HDGFL3: variants seen among roughly 807,000 people sequenced by gnomAD.
HDGFL3 encodes HDGF like 3.
A neutral mutation model predicts 27.6 loss-of-function variants in HDGFL3; 6 were observed. That is an observed-to-expected ratio of 0.22 (90% CI 0.12 to 0.43). HDGFL3 has a LOEUF of 0.43. HDGFL3 is among the 20% of genes least tolerant of loss of function. The pLI is 1.00. For synonymous variants in HDGFL3, 88 were observed against 88.9 expected, an observed-to-expected ratio of 0.99 and a Z score of 0.05; for missense variants, 207 against 250.1, an observed-to-expected ratio of 0.83 and a Z score of 1.16.
intron 1 of HDGFL3, among the ~76,000 whole-genome samples, chr15:83,200,126 G>C (rs569779547): frequency 6.7e-6 from 1 of 150,196 alleles, no homozygotes; most frequent in African/African-American, 2.5e-5. Context: ...GGCAGATCAC[G>C]AGGTCAGGAG....
At chr15:83,182,203 TTAACAAACTAA>T (rs1418649663) in intron 1 of HDGFL3, among the ~76,000 whole-genome samples, 1 of 152,204 alleles carries the variant, frequency 6.6e-6, no homozygotes, top group Non-Finnish European at 1.5e-5. Flanking sequence ...TGGATATCTT[TTAACAAACTAA>T]AGTGTTATAA....
chr15:83,144,757 T>A (rs2036856651), intron 5 of HDGFL3: 2 of 342,524 alleles, frequency 5.8e-6, no homozygotes, highest in Admixed American at 8.0e-5. Context: ...TCAGTTCCTT[T>A]TGCAAGAGAC....
At chr15:83,117,971 G>A (rs552353186) in intron 3 of HDGFL3, among the ~76,000 whole-genome samples, 1 of 152,268 alleles carries the variant, frequency 6.6e-6, no homozygotes, top group Admixed American at 6.5e-5. Flanking sequence ...TAGCAATAAA[G>A]TTGATAGATT....
At chr15:83,118,801 G>A (rs2034940854) in intron 3 of HDGFL3, among the ~76,000 whole-genome samples, 2 of 152,148 alleles carry the variant, frequency 1.3e-5, no homozygotes, top group Admixed American at 6.5e-5. Flanking sequence ...AAAATGCACG[G>A]AAAATTGATG....
chr15:83,142,361 C>T (rs1481272462), intron 5 of HDGFL3, among the ~76,000 whole-genome samples: 3 of 151,920 alleles, frequency 2.0e-5, no homozygotes, highest in Non-Finnish European at 4.4e-5. Flanking sequence ...AGAGTGAGAG[C>T]ATGTCTTTTG....
downstream of HDGFL3, chr15:83,124,678 C>A: frequency 6.2e-7 from 1 of 1,613,744 alleles, no homozygotes; most frequent in Non-Finnish European, 8.5e-7. Context: ...TTAGGTTATT[C>A]AAGAAGCCCA....
intron 1 of HDGFL3, among the ~76,000 whole-genome samples, chr15:83,177,875 C>T (rs1310726602): frequency 2.0e-5 from 3 of 152,072 alleles, no homozygotes; most frequent in Non-Finnish European, 2.9e-5. Context: ...AAACTAGTTG[C>T]TTTGGTTGTT....
At chr15:83,165,674 A>G (rs1180880182) in intron 1 of HDGFL3, among the ~76,000 whole-genome samples, 1 of 151,932 alleles carries the variant, frequency 6.6e-6, no homozygotes, top group Non-Finnish European at 1.5e-5. Context: ...GGGCACCTGT[A>G]GTCCCAGCTA....
intron 1 of HDGFL3, among the ~76,000 whole-genome samples, chr15:83,190,968 A>T (rs1224747908): frequency 2.0e-5 from 3 of 152,214 alleles, no homozygotes; most frequent in African/African-American, 7.2e-5. Context: ...ATGAAAGTTA[A>T]CCCATATGGA....
intron 5 of HDGFL3, among the ~76,000 whole-genome samples, chr15:83,142,986 C>G (rs1458563946): frequency 4.6e-5 from 7 of 151,758 alleles, no homozygotes; most frequent in Non-Finnish European, 1.0e-4. Context: ...CATTAACGAT[C>G]ACATATATAA....
chr15:83,124,833 G>A, downstream of HDGFL3: 2 of 1,373,386 alleles, frequency 1.5e-6, no homozygotes. Flanking sequence ...ATTTCCAAAT[G>A]GAAAAAAACT....
chr15:83,141,163 T>A (rs527741977), intron 5 of HDGFL3, among the ~76,000 whole-genome samples: 1 of 152,322 alleles, frequency 6.6e-6, no homozygotes, highest in East Asian at 1.9e-4. Flanking sequence ...ACTCTGACTG[T>A]CTCCTAGATC....
chr15:83,184,307 T>C (rs2037414973), intron 1 of HDGFL3, among the ~76,000 whole-genome samples: 1 of 152,246 alleles, frequency 6.6e-6, no homozygotes, highest in Non-Finnish European at 1.5e-5. Context: ...CTGTGTTAAG[T>C]CAGTGTTTTA....
chr15:83,158,111 T>C (rs908464529), intron 2 of HDGFL3, 70 bp from the exon 3 acceptor site: 1 of 1,315,744 alleles, frequency 7.6e-7, no homozygotes, highest in Non-Finnish European at 1.1e-6. Flanking sequence ...AATATCAGTA[T>C]CAGTGAAGAT....
Position 83,203,381 on chromosome 15 carries a change from T to C in HDGFL3, c.84+3950A>G, listed in dbSNP as rs369367962. Among the ~76,000 whole-genome samples, 30 of 152,218 alleles carry C rather than the reference T, an allele frequency of 2.0e-4. No homozygotes were observed. In the East Asian group the frequency reaches 3.5e-3, roughly 18 times the overall value. ...AATAGTATTCTTATTCAGATGGTTA[T>C]GTTTATTCACGTTGAGTATACTGTG... On this transcript the variant is annotated intron_variant, in intron 1 of 5. Transcript: ENST00000299633.
At chr15:83,122,958 A>G, downstream of HDGFL3, 1 of 1,535,530 alleles carries the variant, frequency 6.5e-7, no homozygotes, top group South Asian at 1.2e-5. Flanking sequence ...GAATTGAACC[A>G]TGCCTCTGTG....
chr15:83,188,897 T>C lies in HDGFL3; in HGVS notation c.84+18434A>G, dbSNP rs537112330. ...CACTGGCATTTCTAAAATGAACTCT[T>C]AACATCTTGTGGCCTAATCTACTTA... is the stretch of plus-strand genomic sequence containing the variant. On this transcript the variant is annotated intron_variant, in intron 1 of 5. Transcript: ENST00000299633. 6.6e-4 allele frequency among the ~76,000 whole-genome samples: 101 copies of C among 152,332 alleles called. 1 individual carries two copies. Among genetic ancestry groups the C allele is most frequent in the African/African-American group, 2.3e-3 (94 of 41,570 alleles).
intron 1 of HDGFL3, among the ~76,000 whole-genome samples, chr15:83,178,826 A>C (rs367631889): frequency 2.6e-5 from 4 of 152,160 alleles, no homozygotes; most frequent in South Asian, 2.1e-4. Context: ...TCAGTGATTA[A>C]TTCTTCTCTG....
At chr15:83,153,111 T>C (rs760814557) in intron 4 of HDGFL3, among the ~76,000 whole-genome samples, 1 of 151,574 alleles carries the variant, frequency 6.6e-6, no homozygotes, top group Non-Finnish European at 1.5e-5. Flanking sequence ...GCCATTCTCC[T>C]GCCTTAGCCT....
Sources: gnomAD v4.1 joint callset for allele counts (sites outside exome capture counted in the v4.1 genomes callset) on GRCh38, gnomAD v4.1.1 for gene constraint, MANE v1.5 for transcripts, NCBI Gene and HGNC (gene_info 2026-07-23, HGNC 2026-07-21) for gene names.